Variants in PCBP3 observed in about 807,000 individuals in gnomAD.
PCBP3 encodes poly(rC) binding protein 3, also known as poly(rC)-binding protein 3.
Under a neutral mutation model 52.7 loss-of-function variants are expected in PCBP3, and 25 were observed. The observed-to-expected ratio is 0.47, with a 90% CI of 0.35 to 0.66. PCBP3 has a LOEUF of 0.66. Among genes scored for constraint, PCBP3 ranks in the 30% least tolerant of loss-of-function variants. PCBP3 has a pLI of 0.01. For missense variants in PCBP3, 391 were observed against 490.3 expected (o/e 0.80, Z 1.91); for synonymous variants, 162 against 183.0 (o/e 0.89, Z 0.93).
intron 2 of PCBP3, among the ~76,000 whole-genome samples, chr21:45,676,222 CA>C (rs1180102735): frequency 6.6e-6 from 1 of 152,108 alleles, no homozygotes; most frequent in Admixed American, 6.5e-5. Flanking sequence ...CCTGTTACTT[CA>C]AAGGAATTAA....
intron 2 of PCBP3, among the ~76,000 whole-genome samples, chr21:45,676,919 A>G (rs2081503944): frequency 6.6e-6 from 1 of 151,942 alleles, no homozygotes; most frequent in African/African-American, 2.4e-5. Flanking sequence ...TTACAGATGC[A>G]TGCCACCATG....
chr21:45,842,747 C>T (rs944841716), intron 4 of PCBP3, among the ~76,000 whole-genome samples: 1 of 152,184 alleles, frequency 6.6e-6, no homozygotes, highest in Non-Finnish European at 1.5e-5. Flanking sequence ...ATCCAGGCTC[C>T]TCCCTGGATC....
At position 45,929,609 on chromosome 21, in the gene PCBP3, A is replaced by G. The variant is rs563271273; in HGVS notation, c.718-308A>G. Among the ~76,000 whole-genome samples the G allele has an allele frequency of 7.9e-5, 12 of 152,318 alleles. No homozygotes were observed. In the South Asian group the frequency reaches 2.5e-3, roughly 32 times the overall value. On this transcript the variant is annotated intron_variant, in intron 13 of 17. Coordinates refer to ENST00000681687, the MANE Select transcript of PCBP3 (RefSeq NM_001384156.1). ...AGACTCTCCATGGCCCACTGGCCCCAGCCTCCTGTCCACACCAGCTGGTGA... is the reference window on the plus strand; with the variant it reads ...AGACTCTCCATGGCCCACTGGCCCCGGCCTCCTGTCCACACCAGCTGGTGA...
intron 1 of PCBP3, among the ~76,000 whole-genome samples, chr21:45,664,692 T>G (rs1396947485): frequency 2.0e-5 from 3 of 151,630 alleles, no homozygotes; most frequent in Non-Finnish European, 4.4e-5. Context: ...TGTATACATG[T>G]GCCATGCTGG....
intron 4 of PCBP3, among the ~76,000 whole-genome samples, chr21:45,766,565 C>A (rs2089344985): frequency 6.6e-6 from 1 of 152,224 alleles, no homozygotes; most frequent in Non-Finnish European, 1.5e-5. Context: ...TGGAAGCCCC[C>A]AGTCTGTGGT....
At chr21:45,823,180 C>T (rs550749472) in intron 4 of PCBP3, among the ~76,000 whole-genome samples, 37 of 152,296 alleles carry the variant, frequency 2.4e-4, no homozygotes, top group African/African-American at 7.5e-4. Flanking sequence ...ATTGTACTGG[C>T]ACCTTTTGTG....
chr21:45,857,930 G>A (rs2148372562), intron 5 of PCBP3, among the ~76,000 whole-genome samples: 1 of 152,238 alleles, frequency 6.6e-6, no homozygotes, highest in South Asian at 2.1e-4. Context: ...GAGGTGTCGT[G>A]GGAGAGGCTC....
chr21:45,897,135 A>G (rs2095854700), intron 6 of PCBP3, among the ~76,000 whole-genome samples: 1 of 152,252 alleles, frequency 6.6e-6, no homozygotes, highest in South Asian at 2.1e-4. Context: ...CAAGGCAGTT[A>G]TAGGTACAGC....
At chr21:45,739,170 G>C (rs2145958639) in intron 3 of PCBP3, among the ~76,000 whole-genome samples, 3 of 110,642 alleles carry the variant, frequency 2.7e-5, no homozygotes, top group Admixed American at 9.7e-5. Context: ...CCTCTGGGTG[G>C]CCCTCCCCCA....
intron 15 of PCBP3, 57 bp downstream of exon 15, chr21:45,930,902 G>A: frequency 2.5e-6 from 4 of 1,605,146 alleles, no homozygotes; most frequent in Admixed American, 1.7e-5. Context: ...CAGAGCCCCA[G>A]TGGGAGGAGG....
At chr21:45,913,225 C>T (rs2096435823) in intron 11 of PCBP3, among the ~76,000 whole-genome samples, 1 of 152,214 alleles carries the variant, frequency 6.6e-6, no homozygotes, top group African/African-American at 2.4e-5. Flanking sequence ...CGACAGAATA[C>T]CCAAGGGAAA....
In PCBP3 at chr21:45,656,483, G is replaced by A. The variant is rs764931094; in HGVS notation, c.-278-12391G>A. On this transcript the variant is annotated intron_variant, in intron 1 of 17. Transcript: ENST00000681687. The surrounding 1 kb of genome is among the most constrained non-coding windows in gnomAD (Gnocchi z 4.3). ...ACAGGGAGGGGAACATCATACACCA[G>A]GGCCTGTCGGTGGTGGGGGCCTAGG... Among the ~76,000 whole-genome samples, 2 of 152,116 alleles carry A rather than the reference G, an allele frequency of 1.3e-5. No individual in the cohort carries two copies. Among genetic ancestry groups the A allele is most frequent in the African/African-American group, 2.4e-5 (1 of 41,404 alleles).
intron 5 of PCBP3, among the ~76,000 whole-genome samples, chr21:45,873,962 C>T (rs2095143012): frequency 6.6e-6 from 1 of 152,224 alleles, no homozygotes; most frequent in South Asian, 2.1e-4. Context: ...CAAGGTCTCC[C>T]GATATTGCCC....
chr21:45,930,366 C>T (rs1603542704), intron 14 of PCBP3, among the ~76,000 whole-genome samples: 1 of 152,330 alleles, frequency 6.6e-6, no homozygotes, highest in Admixed American at 6.5e-5. Context: ...AGGCTTTTCT[C>T]TCCAGGAGCA....
intron 5 of PCBP3, among the ~76,000 whole-genome samples, chr21:45,878,591 G>A (rs574063768): frequency 1.3e-5 from 2 of 152,230 alleles, no homozygotes; most frequent in African/African-American, 2.4e-5. Flanking sequence ...TGGCACACAC[G>A]TGGCACAGAG....
intron 1 of PCBP3, among the ~76,000 whole-genome samples, chr21:45,652,733 A>G (rs925062360): frequency 6.6e-6 from 1 of 152,082 alleles, no homozygotes; most frequent in Admixed American, 6.5e-5. Context: ...GTGAGCCACC[A>G]CGCCCGCCCT....
Position 45,941,679 on chromosome 21 carries a change from C to T in PCBP3, c.1089C>T (p.Ser363=), listed in dbSNP as rs1382605047. ...CCTTTGTCTGTTCCAGGCTGACGTCCGAGGTCACCGGGATGGGCACGCTGT... is the reference window on the plus strand; with the variant it reads ...CCTTTGTCTGTTCCAGGCTGACGTCTGAGGTCACCGGGATGGGCACGCTGT... ...AQYLINARLT[S]EVTGMGTL is the part of the protein sequence containing the mutation. Residue 363 remains serine, a synonymous_variant, in exon 18 of 18, where the codon TCC becomes TCT. Coordinates refer to ENST00000681687, the MANE Select transcript of PCBP3 (RefSeq NM_001384156.1). 5.0e-6 allele frequency: 8 copies of T among 1,606,792 alleles called. No individual in the cohort carries two copies. Among genetic ancestry groups the T allele is most frequent in the Non-Finnish European group, 5.9e-6 (7 of 1,176,680 alleles).
At chr21:45,885,899 T>C (rs929239272) in intron 5 of PCBP3, among the ~76,000 whole-genome samples, 3 of 152,254 alleles carry the variant, frequency 2.0e-5, no homozygotes, top group Admixed American at 2.0e-4. Context: ...CAGTTTGAGA[T>C]CTTTTGGGTT....
At position 45,791,764 on chromosome 21, in the gene PCBP3, A is replaced by G. The variant is rs2091598863; in HGVS notation, c.-126+36312A>G. On this transcript the variant is annotated intron_variant, in intron 4 of 17. Coordinates refer to ENST00000681687, the MANE Select transcript of PCBP3 (RefSeq NM_001384156.1). The surrounding 1 kb of genome is among the most constrained non-coding windows in gnomAD (Gnocchi z 4.2). ...AACTGCCAACCGCTTGACTGACTGC[A>G]CAGCAAGTGTTAGGTCGTGGCACAG... is the stretch of plus-strand genomic sequence containing the variant. 6.6e-6 allele frequency among the ~76,000 whole-genome samples: 1 copy of G among 152,258 alleles called. No homozygotes were observed. The highest frequency in any genetic ancestry group is 2.4e-5 in the African/African-American group (1 of 41,468).
Sources: allele counts gnomAD v4.1 joint callset (sites outside exome capture counted in the v4.1 genomes callset), GRCh38; gene constraint gnomAD v4.1.1; non-coding constraint Gnocchi (gnomAD v3.1); transcripts MANE v1.5; gene names NCBI Gene and HGNC (gene_info 2026-07-23, HGNC 2026-07-21).